Variants in AGTPBP1 observed in about 807,000 individuals in gnomAD.
AGTPBP1 encodes the protein cytosolic carboxypeptidase 1.
In AGTPBP1, 70 loss-of-function variants were observed where a neutral mutation model predicts 143.9. That is an observed-to-expected ratio of 0.49 (90% confidence interval 0.40 to 0.59). The LOEUF is 0.59. AGTPBP1 is among the 20% of genes least tolerant of loss of function. AGTPBP1 has a pLI of 0.00. For synonymous variants in AGTPBP1, 463 were observed against 500.2 expected (o/e 0.93, Z 0.99); for missense variants, 1,229 against 1,464.5 (o/e 0.84, Z 2.62).
At chr9:85,595,076 T>TA (rs1368488041) in intron 18 of AGTPBP1, among the ~76,000 whole-genome samples, 1 of 152,230 alleles carries the variant, frequency 6.6e-6, no homozygotes, top group Admixed American at 6.5e-5. Context: ...AATTACATAT[T>TA]ACCTTTACTT....
the AGTPBP1 span, among the ~76,000 whole-genome samples, chr9:85,762,905 A>G: frequency 6.6e-6 from 1 of 150,620 alleles, no homozygotes; most frequent in Non-Finnish European, 1.5e-5. Context: ...AGGGCCCAGC[A>G]AAATGAGTAC....
chr9:85,792,145 A>T, the AGTPBP1 span: 1 of 152,216 alleles, frequency 6.6e-6, no homozygotes, highest in Non-Finnish European at 1.5e-5. Context: ...GTATAAAAAA[A>T]CTTTAATTCA....
At chr9:85,783,634 T>C in the AGTPBP1 span, among the ~76,000 whole-genome samples, 2 of 152,124 alleles carry the variant, frequency 1.3e-5, no homozygotes, top group African/African-American at 4.8e-5. Flanking sequence ...TGTTTTTTTT[T>C]TGTTTGTTTT....
intron 17 of AGTPBP1, among the ~76,000 whole-genome samples, chr9:85,614,814 G>A (rs534542408): frequency 6.6e-6 from 1 of 152,208 alleles, no homozygotes; most frequent in South Asian, 2.1e-4. Context: ...ATGGGGACAT[G>A]TGTCTAAGAG....
chr9:85,719,674 C>G (rs1188182393), intron 1 of AGTPBP1, among the ~76,000 whole-genome samples: 1 of 152,196 alleles, frequency 6.6e-6, no homozygotes, highest in African/African-American at 2.4e-5. Context: ...CCTGATTGCC[C>G]TGGCCAGAAC....
chr9:85,681,742 TA>T, intron 3 of AGTPBP1, among the ~76,000 whole-genome samples: 1 of 140,568 alleles, frequency 7.1e-6, no homozygotes, highest in African/African-American at 2.8e-5. Context: ...ATTGCATTAA[TA>T]TCTTTTTTTT....
intron 9 of AGTPBP1, among the ~76,000 whole-genome samples, chr9:85,660,385 C>G (rs1833783999): frequency 6.6e-6 from 1 of 152,126 alleles, no homozygotes; most frequent in Non-Finnish European, 1.5e-5. Context: ...GATGATTACT[C>G]TCCAAAAGCA....
Position 85,578,898 on chromosome 9 carries a change from TAGAAAACCTA to T in AGTPBP1, c.3342+12_3342+21del. 1 of 1,606,806 alleles carries T rather than the reference TAGAAAACCTA, an allele frequency of 6.2e-7. No individual in the cohort carries two copies. ...AAAGTCTTCAAATATCTTTCATGGTTAGAAAACCTAAGATGTTTTACCTTGTATTTTCCCT... is the reference window on the plus strand; with the variant it reads ...AAAGTCTTCAAATATCTTTCATGGTTAGATGTTTTACCTTGTATTTTCCCT... On this transcript the variant is annotated intron_variant, in intron 24 of 25. Coordinates refer to ENST00000357081, the MANE Select transcript of AGTPBP1 (RefSeq NM_001330701.2).
At chr9:85,651,725 AG>A in intron 11 of AGTPBP1, among the ~76,000 whole-genome samples, 1 of 152,322 alleles carries the variant, frequency 6.6e-6, no homozygotes. Context: ...CAACTAATAA[AG>A]GTCCAGAAGT....
At chr9:85,612,676 G>A (rs938333905) in intron 17 of AGTPBP1, among the ~76,000 whole-genome samples, 3 of 152,168 alleles carry the variant, frequency 2.0e-5, no homozygotes, top group Non-Finnish European at 2.9e-5. Flanking sequence ...ACTGGCATCT[G>A]TAGTGAGGGG....
chr9:85,580,670 T>C (rs1828199964), intron 23 of AGTPBP1, among the ~76,000 whole-genome samples: 1 of 152,210 alleles, frequency 6.6e-6, no homozygotes, highest in African/African-American at 2.4e-5. Flanking sequence ...AGTACTATCG[T>C]TCACGGTATT....
At chr9:85,728,471 C>A (rs1838668002) in intron 1 of AGTPBP1, among the ~76,000 whole-genome samples, 1 of 152,072 alleles carries the variant, frequency 6.6e-6, no homozygotes, top group African/African-American at 2.4e-5. Flanking sequence ...TAATGTCCTG[C>A]CAATCATAGG....
chr9:85,657,585 A>G lies in AGTPBP1; in HGVS notation c.759T>C (p.Tyr253=). The change falls in exon 10 of 26, where the codon TAT becomes TAC. Residue 253 remains tyrosine (Y), a synonymous_variant. Coordinates refer to ENST00000357081, the MANE Select transcript of AGTPBP1 (RefSeq NM_001330701.2). ...GGTTATCATGGCGGTGCCAATCTAC[A>G]TAAATTGTTAAAAGCACTTGGACAT... is the stretch of plus-strand genomic sequence containing the variant. ...RGYVQVLLTI[Y]VDWHRHDNRH... 2 of 1,614,060 alleles carry G rather than the reference A, an allele frequency of 1.2e-6. No homozygotes were observed. The highest frequency in any genetic ancestry group is 2.2e-5 in the East Asian group (1 of 44,852).
chr9:85,619,110 C>T lies in AGTPBP1; in HGVS notation c.2208G>A (p.Leu736=), dbSNP rs764188382. Residue 736 remains leucine, a synonymous_variant, in exon 17 of 26, where the codon CTG becomes CTA. Coordinates refer to ENST00000357081, the MANE Select transcript of AGTPBP1 (RefSeq NM_001330701.2). ...QIRKNEYDLI[L]NSDINSNHYH... is the part of the protein sequence containing the mutation. Reference sequence around the variant, plus strand: ...AATGATTGCTGTTTATGTCTGAGTTCAGAATAAGATCATATTCATTTCTGA... The same window carrying T: ...AATGATTGCTGTTTATGTCTGAGTTTAGAATAAGATCATATTCATTTCTGA... The T allele has an allele frequency of 3.3e-5, 53 of 1,613,044 alleles. No individual in the cohort carries two copies. Among genetic ancestry groups the T allele is most frequent in the Non-Finnish European group, 4.2e-5 (50 of 1,179,564 alleles).
At chr9:85,588,614 A>C in intron 20 of AGTPBP1, 136 bp from the exon 21 acceptor site, 1 of 816,220 alleles carries the variant, frequency 1.2e-6, no homozygotes, top group Non-Finnish European at 1.9e-6. Flanking sequence ...GGTGCATCCT[A>C]CAAGCACTGC....
At position 85,707,793 on chromosome 9, in the gene AGTPBP1, T is replaced by C. The variant is rs552411881; in HGVS notation, c.32+4709A>G. Reference sequence around the variant, plus strand: ...ATCAGAAATCCAAAACCAGTTTCAATGGGCTAAAACCAAGGTGTAAGAAGA... The same window carrying C: ...ATCAGAAATCCAAAACCAGTTTCAACGGGCTAAAACCAAGGTGTAAGAAGA... On this transcript the variant is annotated intron_variant, in intron 2 of 25. Coordinates refer to ENST00000357081, the MANE Select transcript of AGTPBP1 (RefSeq NM_001330701.2). Among the ~76,000 whole-genome samples the C allele has an allele frequency of 1.2e-3, 187 of 152,138 alleles. 1 individual carries two copies. The highest frequency in any genetic ancestry group is 3.7e-3 in the African/African-American group (155 of 41,524).
chr9:85,642,497 T>A (rs1035594082), intron 13 of AGTPBP1, among the ~76,000 whole-genome samples: 19 of 149,868 alleles, frequency 1.3e-4, no homozygotes, highest in African/African-American at 4.2e-4. Context: ...CCCAGCTAAT[T>A]TTTTTTTTTA....
chr9:85,617,079 T>A (rs1830641879), intron 17 of AGTPBP1, among the ~76,000 whole-genome samples: 1 of 152,130 alleles, frequency 6.6e-6, no homozygotes, highest in Non-Finnish European at 1.5e-5. Flanking sequence ...TTTTCATACA[T>A]GTGAAGTAAT....
the AGTPBP1 span, among the ~76,000 whole-genome samples, chr9:85,771,217 A>G: frequency 1.3e-5 from 2 of 152,208 alleles, no homozygotes; most frequent in African/African-American, 2.4e-5. Context: ...TAAAGTCCTA[A>G]GGCCAGGTGC....
Sources: allele counts gnomAD v4.1 joint callset (sites outside exome capture counted in the v4.1 genomes callset), GRCh38; gene constraint gnomAD v4.1.1; transcripts MANE v1.5; gene names NCBI Gene and HGNC (gene_info 2026-07-23, HGNC 2026-07-21).